Variants in DUSP18 observed in about 807,000 individuals in gnomAD.
DUSP18 encodes dual specificity protein phosphatase 18.
Under a neutral mutation model 6.3 loss-of-function variants are expected in DUSP18, and 4 were observed. That is an observed-to-expected ratio of 0.63 (90% CI 0.31 to 1.45). The LOEUF (loss-of-function observed/expected upper bound fraction) is 1.45. DUSP18 is among the 40% of genes most tolerant of loss of function. The pLI is 0.07. For synonymous variants in DUSP18, 96 were observed against 95.1 expected, an observed-to-expected ratio of 1.01 and a Z score of -0.05; for missense variants, 235 against 247.7, an observed-to-expected ratio of 0.95 and a Z score of 0.34.
intron 2 of DUSP18, among the ~76,000 whole-genome samples, chr22:30,653,355 A>G (rs560121451): frequency 6.8e-6 from 1 of 147,440 alleles, no homozygotes; most frequent in East Asian, 2.0e-4. Flanking sequence ...CACAACCCTC[A>G]TGTGCCCCCT....
intron 2 of DUSP18, among the ~76,000 whole-genome samples, chr22:30,653,598 C>A (rs868224416): frequency 6.6e-6 from 1 of 151,646 alleles, no homozygotes; most frequent in African/African-American, 2.4e-5. Flanking sequence ...GTCTCGAACT[C>A]CTGATCTCAA....
At chr22:30,653,371 CTTCT>C (rs928060816) in intron 2 of DUSP18, among the ~76,000 whole-genome samples, 5 of 150,902 alleles carry the variant, frequency 3.3e-5, no homozygotes, top group South Asian at 2.1e-4. Flanking sequence ...CCCCTTCCTC[CTTCT>C]TTTTTTTTTT....
At position 30,662,407 on chromosome 22, in the gene DUSP18, G is replaced by A. The variant is rs9609038; in HGVS notation, c.*1030C>T. ...CCTGTGAGAGGAACCGCTGAGACCT[G>A]ATGTTAGGCCTGTTTTTCTCATGTG... On this transcript the variant is annotated 3_prime_UTR_variant, in exon 2 of 2. Coordinates refer to ENST00000334679, the MANE Select transcript of DUSP18 (RefSeq NM_152511.5). 6.6e-6 allele frequency: 1 copy of A among 152,206 alleles called. No individual in the cohort carries two copies. Among genetic ancestry groups the A allele is most frequent in the Non-Finnish European group, 1.5e-5 (1 of 68,034 alleles). 9.4% of individuals were successfully genotyped at this position (152,206 alleles called of 1,614,324 possible). A position where few individuals can be genotyped will look rare whatever the true frequency, so the allele number is the denominator to read the frequency against.
rs569888402 is a variant in DUSP18 at position 30,655,876 on chromosome 22, C to T, written c.*34-3579G>A. On this transcript the variant is annotated intron_variant, in intron 2 of 2. Coordinates refer to the DUSP18 transcript ENST00000404885. ...CACACCTCTTAACATTCCTCCCAAG[C>T]TCCTTCTTAGGTGATATTGGGTCAC... is the stretch of plus-strand genomic sequence containing the variant. 1.1e-4 allele frequency among the ~76,000 whole-genome samples: 16 copies of T among 152,146 alleles called. No individual in the cohort carries two copies. The South Asian group carries it at 3.1e-3, about 30-fold the overall frequency.
Position 30,662,331 on chromosome 22 carries a change from G to A in DUSP18, c.*1106C>T, listed in dbSNP as rs542599421. The A allele has an allele frequency of 1.3e-5, 2 of 152,314 alleles. No individual in the cohort carries two copies. The highest frequency in any genetic ancestry group is 4.1e-4 in the South Asian group (2 of 4,824). The allele number at this position is 152,314 out of a possible 1,614,324, so 9.4% of individuals were successfully genotyped here. ...CCAGGGGTCCACATCACATGAAGAG[G>A]AGGTGACAGGGCTGGGCCTTGGTCC... is the stretch of plus-strand genomic sequence containing the variant. On this transcript the variant is annotated 3_prime_UTR_variant, in exon 2 of 2. Transcript: ENST00000334679.
chr22:30,656,595 C>A (rs2088342143), downstream of DUSP18, among the ~76,000 whole-genome samples: 2 of 152,154 alleles, frequency 1.3e-5, no homozygotes, highest in Non-Finnish European at 2.9e-5. Context: ...GCTATGGGAC[C>A]ACTTCTTTCT....
At position 30,663,671 on chromosome 22, in the gene DUSP18, T is replaced by C. The variant is rs1391747213; in HGVS notation, c.333A>G (p.Ser111=). ...LLHCAAGVSR[S]AALCLAYLMK... ...TGAGGTAGGCGAGGCACAGGGCAGC[T>C]GAGCGGCTCACACCAGCAGCACAGT... is the stretch of plus-strand genomic sequence containing the variant. Residue 111 remains serine, a synonymous_variant, in exon 2 of 2, where the codon TCA becomes TCG. Transcript: ENST00000334679. 2.5e-6 allele frequency: 4 copies of C among 1,614,234 alleles called. No individual in the cohort carries two copies. Among genetic ancestry groups the C allele is most frequent in the Admixed American group, 1.7e-5 (1 of 60,024 alleles).
rs1375839709 is a variant in DUSP18 at position 30,663,156 on chromosome 22, G to A, written c.*281C>T. The A allele has an allele frequency of 2.5e-6, 1 of 398,630 alleles. No individual in the cohort carries two copies. Among genetic ancestry groups the A allele is most frequent in the Non-Finnish European group, 4.6e-6 (1 of 219,246 alleles). 24.7% of individuals were successfully genotyped at this position (398,630 alleles called of 1,614,324 possible). A position where few individuals can be genotyped will look rare whatever the true frequency, so the allele number is the denominator to read the frequency against. ...ATTCCAGGCCTGCCATGTGCAATGG[G>A]TGCTGCCCTCTTTCTTCTGGGCACC... On this transcript the variant is annotated 3_prime_UTR_variant, in exon 2 of 2. Coordinates refer to ENST00000334679, the MANE Select transcript of DUSP18 (RefSeq NM_152511.5).
In DUSP18 at chr22:30,654,267, A is replaced by G. The variant is rs2088289346; in HGVS notation, c.*34-1970T>C. The G allele has an allele frequency of 9.3e-6, 4 of 428,928 alleles. No individual in the cohort carries two copies. In the Admixed American group the frequency reaches 1.0e-4, roughly 11 times the overall value. 26.6% of individuals were successfully genotyped at this position (428,928 alleles called of 1,614,324 possible). A position where few individuals can be genotyped will look rare whatever the true frequency, so the allele number is the denominator to read the frequency against. On this transcript the variant is annotated intron_variant, in intron 2 of 2. Coordinates refer to the DUSP18 transcript ENST00000404885. ...CCAAAGTGCTAGGATTACAGGCGTG[A>G]GCCACCGCGCCCGGCCATCCCATGA...
At chr22:30,653,228 C>T (rs955335107) in intron 2 of DUSP18, among the ~76,000 whole-genome samples, 2 of 152,164 alleles carry the variant, frequency 1.3e-5, no homozygotes, top group African/African-American at 2.4e-5. Flanking sequence ...GATGTTCTGA[C>T]GTTTCCAAGC....
downstream of DUSP18, among the ~76,000 whole-genome samples, chr22:30,660,621 A>G (rs1408163173): frequency 1.3e-5 from 2 of 152,242 alleles, no homozygotes; most frequent in Non-Finnish European, 2.9e-5. Context: ...AACTTCCCAG[A>G]TATCTGAAAC....
chr22:30,661,609 G>GA lies in DUSP18; in HGVS notation c.*1827dup, dbSNP rs2088472179. On this transcript the variant is annotated 3_prime_UTR_variant, in exon 2 of 2. Transcript: ENST00000334679. ...GATTACAGGCACCCAGCTGTTAAAAGAAAAAGCATTTGGCTTCTACTGGAA... is the reference window on the plus strand; with the variant it reads ...GATTACAGGCACCCAGCTGTTAAAAGAAAAAAGCATTTGGCTTCTACTGGAA... The GA allele has an allele frequency of 1.3e-5, 2 of 151,060 alleles. No individual in the cohort carries two copies. 9.4% of individuals were successfully genotyped at this position (151,060 alleles called of 1,614,324 possible).
intron 2 of DUSP18, among the ~76,000 whole-genome samples, chr22:30,655,443 A>G (rs888437969): frequency 6.6e-5 from 10 of 151,414 alleles, no homozygotes; most frequent in South Asian, 2.1e-4. Flanking sequence ...AAAAAAAAAA[A>G]AAAAAGAAAA....
chr22:30,661,148 T>C (rs571095408), downstream of DUSP18, among the ~76,000 whole-genome samples: 21 of 152,226 alleles, frequency 1.4e-4, no homozygotes, highest in South Asian at 3.3e-3. Context: ...GCCTCAATTG[T>C]ATTTCTATAT....
At chr22:30,658,388 T>A (rs2088389574), downstream of DUSP18, among the ~76,000 whole-genome samples, 1 of 150,752 alleles carries the variant, frequency 6.6e-6, no homozygotes, top group African/African-American at 2.4e-5. Flanking sequence ...AAAAAAAAAT[T>A]TTTTTTTTTT....
At chr22:30,655,669 T>C (rs2088326743) in intron 2 of DUSP18, among the ~76,000 whole-genome samples, 1 of 152,088 alleles carries the variant, frequency 6.6e-6, no homozygotes, top group African/African-American at 2.4e-5. Flanking sequence ...GATGATGGAT[T>C]TCAGTGTCAC....
At chr22:30,657,306 C>CACACAA (rs1327783231), downstream of DUSP18, among the ~76,000 whole-genome samples, 2 of 112,450 alleles carry the variant, frequency 1.8e-5, no homozygotes, top group African/African-American at 5.4e-5. Context: ...CACACACACA[C>CACACAA]AAATTAGCCG....
chr22:30,660,041 A>C (rs949642794), downstream of DUSP18, among the ~76,000 whole-genome samples: 3 of 152,298 alleles, frequency 2.0e-5, no homozygotes, highest in East Asian at 5.8e-4. Context: ...CAATACACTA[A>C]ATTCAGCCAA....
Position 30,664,073 on chromosome 22 carries a change from A to G in DUSP18, c.-70T>C. 1 of 1,430,842 alleles carries G rather than the reference A, an allele frequency of 7.0e-7. No individual in the cohort carries two copies. Among genetic ancestry groups the G allele is most frequent in the East Asian group, 2.4e-5 (1 of 40,954 alleles). 88.6% of individuals were successfully genotyped at this position (1,430,842 alleles called of 1,614,324 possible). A position where few individuals can be genotyped will look rare whatever the true frequency, so the allele number is the denominator to read the frequency against. ...TGCGTCTTTCTGCTAGGCTGTGTCC[A>G]TGGAAAACTGCAGAGAGGGAGAGGA... On this transcript the variant is annotated 5_prime_UTR_variant, in exon 2 of 2. It removes an upstream start codon present in the reference 5' UTR. Transcript: ENST00000334679.
Sources: allele counts gnomAD v4.1 joint callset (sites outside exome capture counted in the v4.1 genomes callset), GRCh38; gene constraint gnomAD v4.1.1; transcripts MANE v1.5; gene names NCBI Gene and HGNC (gene_info 2026-07-23, HGNC 2026-07-21).